Variants in KIF1B observed in about 807,000 individuals in gnomAD.
KIF1B encodes kinesin family member 1B.
Under a neutral mutation model 241.9 loss-of-function variants are expected in KIF1B, and 76 were observed. The observed-to-expected ratio is 0.31, with a 90% CI of 0.26 to 0.38. The LOEUF (loss-of-function observed/expected upper bound fraction) is 0.38, where lower values mean the gene tolerates loss of function less well. KIF1B is among the 10% of genes least tolerant of loss of function. The pLI is 1.00. For missense variants in KIF1B, 1,622 were observed against 2,271.4 expected (o/e 0.71, Z 5.81); for synonymous variants, 750 against 796.7 (o/e 0.94, Z 0.99).
At chr1:10,279,434 G>A (rs1649290599) in intron 14 of KIF1B, among the ~76,000 whole-genome samples, 1 of 152,148 alleles carries the variant, frequency 6.6e-6, no homozygotes, top group Non-Finnish European at 1.5e-5. Flanking sequence ...ATAGATGATA[G>A]CAACTGACAC....
intron 23 of KIF1B, among the ~76,000 whole-genome samples, chr1:10,320,760 C>T (rs572825904): frequency 2.6e-5 from 4 of 151,908 alleles, no homozygotes; most frequent in Non-Finnish European, 5.9e-5. Context: ...GAGTTTTGCT[C>T]TTGTCGCCCA....
At chr1:10,325,197 G>A (rs1371923748) in intron 26 of KIF1B, among the ~76,000 whole-genome samples, 4 of 152,130 alleles carry the variant, frequency 2.6e-5, no homozygotes, top group Non-Finnish European at 5.9e-5. Context: ...GAAAACTTAC[G>A]CCTGTATCCT....
intron 1 of KIF1B, chr1:10,211,838 G>C (rs1646697479): frequency 6.6e-6 from 1 of 152,102 alleles, no homozygotes; most frequent in East Asian, 1.9e-4. Context: ...GCCTGCTGAT[G>C]CTTTACATGT....
rs182009149 is a variant in KIF1B at position 10,298,121 on chromosome 1, T to C, written c.2115+875T>C. Among the ~76,000 whole-genome samples, 57 of 152,368 alleles carry C rather than the reference T, an allele frequency of 3.7e-4. 1 individual carries two copies. In the East Asian group the frequency reaches 8.1e-3, roughly 22 times the overall value. On this transcript the variant is annotated intron_variant, in intron 22 of 48. Transcript: ENST00000676179. ...GAACCTTCTCAGCATTCATTTGATA[T>C]GTAAGAATAAAGTATAACTAACCTT...
intron 15 of KIF1B, among the ~76,000 whole-genome samples, chr1:10,284,440 C>G (rs1649587044): frequency 6.6e-6 from 1 of 152,054 alleles, no homozygotes; most frequent in Admixed American, 6.6e-5. Context: ...AATCCCAGCA[C>G]TTTGGGAGGC....
At chr1:10,348,579 C>G in intron 36 of KIF1B, 70 bp from the exon 37 acceptor site, 1 of 1,183,638 alleles carries the variant, frequency 8.4e-7, no homozygotes, top group Non-Finnish European at 1.3e-6. Context: ...GCCATACAGG[C>G]CAGAAAACAG....
chr1:10,372,714 C>T (rs1248094836), intron 45 of KIF1B, among the ~76,000 whole-genome samples: 3 of 143,400 alleles, frequency 2.1e-5, no homozygotes, highest in Non-Finnish European at 4.6e-5. Context: ...ACTGCAAGCT[C>T]CGCCTCCCAG....
rs1008702861 is a variant in KIF1B at position 10,210,637 on chromosome 1, T to A, written c.-321T>A. Among the ~76,000 whole-genome samples, 1 of 148,960 alleles carries A rather than the reference T, an allele frequency of 6.7e-6. No individual in the cohort carries two copies. Among genetic ancestry groups the A allele is most frequent in the Non-Finnish European group, 1.5e-5 (1 of 66,782 alleles). ...AGCAGCTCCCCGTCCTCCGCAGCCG[T>A]CACCGCCGGCCGTCGCCGCGCCCTG... On this transcript the variant is annotated 5_prime_UTR_variant, in exon 1 of 49. Coordinates refer to ENST00000676179, the MANE Select transcript of KIF1B (RefSeq NM_001365951.3). This position sits in a 1 kb window ranked among gnomAD's most constrained non-coding sequence, Gnocchi z 4.1.
At chr1:10,323,834 A>T in intron 24 of KIF1B, 50 bp from the exon 25 acceptor site, 1 of 1,477,282 alleles carries the variant, frequency 6.8e-7, no homozygotes, top group Non-Finnish European at 9.5e-7. Context: ...CTCATCTCTG[A>T]AGCTTGCTTG....
chr1:10,375,446 T>C, intron 48 of KIF1B, 73 bp downstream of exon 48: 1 of 1,304,754 alleles, frequency 7.7e-7, no homozygotes, highest in Non-Finnish European at 1.1e-6. Flanking sequence ...GTGCAGTGGC[T>C]TGGTCTTGGC....
chr1:10,319,984 T>A, intron 22 of KIF1B, 59 bp from the exon 23 acceptor site: 1 of 1,117,866 alleles, frequency 8.9e-7, no homozygotes, highest in East Asian at 2.5e-5. Flanking sequence ...TCCATTTCTC[T>A]TTCCCTGCCC....
In KIF1B at chr1:10,373,253, C is replaced by T. The variant is rs532877170; in HGVS notation, c.4947-1063C>T. On this transcript the variant is annotated intron_variant, in intron 45 of 48. Transcript: ENST00000676179. Reference sequence around the variant, plus strand: ...GGATTACAGGCGTGAGCCACTGCGCCGGCCTTTTTTTTTTTTTTTTGAGAC... The same window carrying T: ...GGATTACAGGCGTGAGCCACTGCGCTGGCCTTTTTTTTTTTTTTTTGAGAC... 2.2e-3 allele frequency among the ~76,000 whole-genome samples: 298 copies of T among 132,866 alleles called. 1 individual carries two copies. Among genetic ancestry groups the T allele is most frequent in the African/African-American group, 8.6e-3 (281 of 32,736 alleles). The allele number at this position is 132,866 out of a possible 152,430, so 87.2% of individuals were successfully genotyped here.
intron 39 of KIF1B, 24 bp downstream of exon 39, chr1:10,361,067 T>C: frequency 7.0e-7 from 1 of 1,423,464 alleles, no homozygotes; most frequent in Admixed American, 1.7e-5. Context: ...GAACTTCAGT[T>C]GATGCCAACA....
Position 10,376,661 on chromosome 1 carries a change from C to A in KIF1B, c.*74C>A, listed in dbSNP as rs1638898121. On this transcript the variant is annotated 3_prime_UTR_variant, in exon 49 of 49. Coordinates refer to ENST00000676179, the MANE Select transcript of KIF1B (RefSeq NM_001365951.3). ...TTACCTCTCATTTCTCTTTGTGATT[C>A]TTGACGGTGACTCTTGTATGTAATC... 2 of 1,431,442 alleles carry A rather than the reference C, an allele frequency of 1.4e-6. No homozygotes were observed. Among genetic ancestry groups the A allele is most frequent in the Non-Finnish European group, 2.0e-6 (2 of 1,014,624 alleles). 88.7% of individuals were successfully genotyped at this position (1,431,442 alleles called of 1,614,324 possible). A position where few individuals can be genotyped will look rare whatever the true frequency, so the allele number is the denominator to read the frequency against.
chr1:10,346,669 C>A (rs1037281339), intron 35 of KIF1B, among the ~76,000 whole-genome samples: 8 of 152,154 alleles, frequency 5.3e-5, no homozygotes, highest in African/African-American at 7.2e-5. Flanking sequence ...CCAGCAGCAC[C>A]TTGTTGTAAG....
intron 22 of KIF1B, among the ~76,000 whole-genome samples, chr1:10,315,931 C>T (rs1392204608): frequency 6.6e-6 from 1 of 151,002 alleles, no homozygotes; most frequent in Non-Finnish European, 1.5e-5. Flanking sequence ...TGGTACACAC[C>T]TGTAGTCCCA....
At chr1:10,216,897 A>G (rs952841181) in intron 1 of KIF1B, among the ~76,000 whole-genome samples, 1 of 148,494 alleles carries the variant, frequency 6.7e-6, no homozygotes, top group Non-Finnish European at 1.5e-5. Flanking sequence ...GCACTGTTCT[A>G]ATCTGTAGGA....
chr1:10,273,119 G>C (rs1648892361), intron 10 of KIF1B, 88 bp downstream of exon 10: 1 of 960,138 alleles, frequency 1.0e-6, no homozygotes, highest in African/African-American at 1.6e-5. Flanking sequence ...AGTAGGAATG[G>C]AACCTTCAAA....
At chr1:10,315,991 GGTT>G (rs1387489318) in intron 22 of KIF1B, among the ~76,000 whole-genome samples, 2 of 149,784 alleles carry the variant, frequency 1.3e-5, no homozygotes, top group African/African-American at 5.0e-5. Context: ...GGGAGGCAGA[GGTT>G]ATAGTGAGCT....
Sources: allele counts gnomAD v4.1 joint callset (sites outside exome capture counted in the v4.1 genomes callset), GRCh38; gene constraint gnomAD v4.1.1; non-coding constraint Gnocchi (gnomAD v3.1); transcripts MANE v1.5; gene names NCBI Gene and HGNC (gene_info 2026-07-23, HGNC 2026-07-21).